CDC25C: variants seen among roughly 807,000 people sequenced by gnomAD.
CDC25C encodes the protein M-phase inducer phosphatase 3.
In CDC25C, 48 loss-of-function variants were observed where a neutral mutation model predicts 52.5. The observed-to-expected ratio is 0.91, with a 90% CI of 0.72 to 1.16. CDC25C has a LOEUF of 1.16. Ranked by LOEUF, CDC25C falls within the 50% of genes most tolerant of loss-of-function variation. CDC25C has a pLI of 0.00. For missense variants in CDC25C, 510 were observed against 566.1 expected (o/e 0.90, Z 1.01); for synonymous variants, 187 against 206.5 (o/e 0.91, Z 0.81).
intron 2 of CDC25C, 79 bp from the exon 3 acceptor site, chr5:138,329,726 CTTTTTTT>C (rs71574413): frequency 9.3e-4 from 272 of 293,404 alleles, no homozygotes; most frequent in Middle Eastern, 1.1e-3. Flanking sequence ...TCATCCTCTT[CTTTTTTT>C]TTTTTTTTTT....
In CDC25C at chr5:138,322,518, C is replaced by G. The variant is rs1226844863; in HGVS notation, c.460-3144G>C. Among the ~76,000 whole-genome samples, 3 of 133,448 alleles carry G rather than the reference C, an allele frequency of 2.2e-5. No individual in the cohort carries two copies. In the Admixed American group the frequency reaches 2.6e-4, roughly 12 times the overall value. The allele number at this position is 133,448 out of a possible 152,430, so 87.5% of individuals were successfully genotyped here. A position where few individuals can be genotyped will look rare whatever the true frequency, so the allele number is the denominator to read the frequency against. Reference sequence around the variant, plus strand: ...TGAGATGGAGTCTCGCTCTGTCGCCCAGACTGGAGTACAGTGGCACGATCT... The same window carrying G: ...TGAGATGGAGTCTCGCTCTGTCGCCGAGACTGGAGTACAGTGGCACGATCT... On this transcript the variant is annotated intron_variant, in intron 6 of 13. Coordinates refer to ENST00000323760, the MANE Select transcript of CDC25C (RefSeq NM_001790.5).
At chr5:138,307,994 G>A (rs1292433350) in intron 7 of CDC25C, among the ~76,000 whole-genome samples, 1 of 151,998 alleles carries the variant, frequency 6.6e-6, no homozygotes, top group African/African-American at 2.4e-5. Flanking sequence ...TAGATCCCTC[G>A]CATGCGCAGT....
chr5:138,292,069 C>G lies in CDC25C; in HGVS notation c.663G>C (p.Leu221Phe), dbSNP rs553796635. Residue 221 changes from leucine to phenylalanine, a missense_variant, in exon 8 of 14, where the codon TTG becomes TTC. Transcript: ENST00000323760. ...CCACCTGCTTCAGTCTTGGCCTGTT[C>G]AAGTTCTCTGGCATCGACGGGGAGC... is the stretch of plus-strand genomic sequence containing the variant. Reference protein sequence around the residue: ...LYRSPSMPENLNRPRLKQVEK... With the variant: ...LYRSPSMPENFNRPRLKQVEK... 1 of 1,613,204 alleles carries G rather than the reference C, an allele frequency of 6.2e-7. No homozygotes were observed. The highest frequency in any genetic ancestry group is 1.1e-5 in the South Asian group (1 of 90,908).
In CDC25C at chr5:138,286,077, T is replaced by G. The variant is rs1218168415; in HGVS notation, c.1217A>C (p.Tyr406Ser). 2 of 1,614,000 alleles carry G rather than the reference T, an allele frequency of 1.2e-6. No individual in the cohort carries two copies. The highest frequency in any genetic ancestry group is 1.7e-6 in the Non-Finnish European group (2 of 1,179,968). The part of the protein sequence containing the change: ...RSLNQYPALY[Y>S]PELYILKGGY... ...GCCTTTAAGGATATATAGCTCTGGGTAGTACAATGCAGGATACTGGTTCAG... is the reference window on the plus strand; with the variant it reads ...GCCTTTAAGGATATATAGCTCTGGGGAGTACAATGCAGGATACTGGTTCAG... Residue 406 changes from tyrosine to serine, a missense_variant, in exon 13 of 14, where the codon TAC becomes TCC. Coordinates refer to ENST00000323760, the MANE Select transcript of CDC25C (RefSeq NM_001790.5).
intron 1 of CDC25C, 120 bp downstream of exon 1, chr5:138,331,475 T>G: frequency 1.3e-6 from 1 of 759,624 alleles, no homozygotes; most frequent in Non-Finnish European, 1.8e-6. Context: ...AACCCGGGTC[T>G]CGTAACTCGC....
chr5:138,328,773 A>AT, intron 3 of CDC25C: 3 of 340,696 alleles, frequency 8.8e-6, no homozygotes, highest in Non-Finnish European at 5.3e-6. Flanking sequence ...CTACCTATGG[A>AT]GTTTTTTTTT....
upstream of CDC25C, chr5:138,331,836 C>G (rs1053370529): frequency 7.1e-6 from 7 of 985,758 alleles, no homozygotes; most frequent in African/African-American, 1.0e-4. Context: ...CCATTCAAAC[C>G]TTCCGCCAGC....
chr5:138,290,739 C>T lies in CDC25C; in HGVS notation c.764G>A (p.Gly255Asp). Reference sequence around the variant, plus strand: ...AGAGACTGTCTTCTTTAAACATAAGCCCTGAAGATGACAAGATTCCCACCC... The same window carrying T: ...AGAGACTGTCTTCTTTAAACATAAGTCCTGAAGATGACAAGATTCCCACCC... ...YFSGQGKLRK[G>D]LCLKKTVSLC... The change falls in exon 9 of 14, where the codon GGC becomes GAC. Residue 255 changes from glycine to aspartate, a missense_variant and splice_region_variant. Physicochemically the swap from Gly to Asp is moderately conservative, Grantham distance 94 (BLOSUM62 -1). Transcript: ENST00000323760. 6.3e-7 allele frequency: 1 copy of T among 1,583,254 alleles called. No individual in the cohort carries two copies. Among genetic ancestry groups the T allele is most frequent in the Non-Finnish European group, 8.7e-7 (1 of 1,152,252 alleles).
chr5:138,286,311 C>T (rs1756225050), intron 12 of CDC25C, among the ~76,000 whole-genome samples, 178 bp from the exon 13 acceptor site: 1 of 152,204 alleles, frequency 6.6e-6, no homozygotes, highest in Admixed American at 6.5e-5. Context: ...CTTTCCTCCA[C>T]TGCAGCCTCA....
chr5:138,293,205 C>G (rs1305029781), intron 7 of CDC25C, among the ~76,000 whole-genome samples: 2 of 152,158 alleles, frequency 1.3e-5, no homozygotes, highest in Non-Finnish European at 2.9e-5. Context: ...CCCCATCCAC[C>G]CTACCCCCCA....
At position 138,290,629 on chromosome 5, in the gene CDC25C, C is replaced by A. The variant is rs375621624; in HGVS notation, c.864+10G>T. 16 of 1,514,336 alleles carry A rather than the reference C, an allele frequency of 1.1e-5. No individual in the cohort carries two copies. Among genetic ancestry groups the A allele is most frequent in the Non-Finnish European group, 1.5e-5 (16 of 1,089,418 alleles). The allele number at this position is 1,514,336 out of a possible 1,614,324, so 93.8% of individuals were successfully genotyped here. On this transcript the variant is annotated intron_variant, in intron 9 of 13. Transcript: ENST00000323760. Reference sequence around the variant, plus strand: ...TCACTGAAATACAGGATGGGTGTAGCCAAACTCACCTTGGAAAAATCACCA... The same window carrying A: ...TCACTGAAATACAGGATGGGTGTAGACAAACTCACCTTGGAAAAATCACCA...
At chr5:138,286,371 G>A (rs758621162) in intron 12 of CDC25C, 126 bp downstream of exon 12, 67 of 1,102,428 alleles carry the variant, frequency 6.1e-5, no homozygotes, top group African/African-American at 2.7e-4. Context: ...TTTTAGAAAC[G>A]TCTTCCTTCA....
chr5:138,286,933 C>T (rs1398858719), intron 11 of CDC25C, among the ~76,000 whole-genome samples: 2 of 152,182 alleles, frequency 1.3e-5, no homozygotes, highest in East Asian at 3.9e-4. Context: ...GTTTTTATTT[C>T]TAGGTAGGAC....
intron 6 of CDC25C, among the ~76,000 whole-genome samples, chr5:138,320,908 T>C (rs1406963691): frequency 2.2e-5 from 2 of 91,264 alleles, no homozygotes; most frequent in African/African-American, 4.6e-5. Flanking sequence ...AGAGTGAGAC[T>C]CTGTCTCAAA....
upstream of CDC25C, chr5:138,332,319 T>G (rs1228715089): frequency 6.6e-6 from 1 of 152,246 alleles, no homozygotes; most frequent in African/African-American, 2.4e-5. Flanking sequence ...GAGCGTTTGC[T>G]GCCGGCGTGG....
intron 7 of CDC25C, among the ~76,000 whole-genome samples, chr5:138,306,557 C>A (rs11748706): frequency 0.13 from 19,118 of 151,896 alleles, 1,504 homozygotes; most frequent in Non-Finnish European, 0.17. Context: ...CTCCCTGCAA[C>A]CTCCACCTCC....
chr5:138,325,965 C>T, intron 5 of CDC25C, 56 bp downstream of exon 5: 1 of 1,612,178 alleles, frequency 6.2e-7, no homozygotes, highest in East Asian at 2.2e-5. Flanking sequence ...CAATGGAAAC[C>T]CTCTGCCTCC....
At chr5:138,297,401 G>A (rs1757297015) in intron 7 of CDC25C, among the ~76,000 whole-genome samples, 1 of 152,074 alleles carries the variant, frequency 6.6e-6, no homozygotes, top group African/African-American at 2.4e-5. Flanking sequence ...TACACTAGAA[G>A]AACTATGATG....
intron 7 of CDC25C, among the ~76,000 whole-genome samples, chr5:138,302,687 G>A (rs374577322): frequency 1.4e-5 from 2 of 145,130 alleles, no homozygotes; most frequent in African/African-American, 2.5e-5. Flanking sequence ...CAACAAGAGC[G>A]AAACTCCATC....
Sources: gnomAD v4.1 joint callset for allele counts (sites outside exome capture counted in the v4.1 genomes callset) on GRCh38, gnomAD v4.1.1 for gene constraint, MANE v1.5 for transcripts, NCBI Gene and HGNC (gene_info 2026-07-23, HGNC 2026-07-21) for gene names.